The following AGBL4 variants were observed in gnomAD, a reference collection of about 807,000 sequenced individuals.
AGBL4 encodes cytosolic carboxypeptidase 6.
AGBL4 carries 58 observed loss-of-function variants against 66.4 expected under a neutral mutation model. That is an observed-to-expected ratio of 0.87 (90% CI 0.71 to 1.09). AGBL4 has a LOEUF of 1.09. Among genes scored for constraint, AGBL4 ranks in the 50% least tolerant of loss-of-function variants. The pLI is 0.00. For missense variants in AGBL4, 579 were observed against 631.0 expected, an observed-to-expected ratio of 0.92 and a Z score of 0.88; for synonymous variants, 234 against 222.9, an observed-to-expected ratio of 1.05 and a Z score of -0.44.
chr1:48,608,608 T>C (rs1288742686), intron 9 of AGBL4, among the ~76,000 whole-genome samples: 1 of 152,026 alleles, frequency 6.6e-6, no homozygotes, highest in Non-Finnish European at 1.5e-5. Context: ...GATGGATGGA[T>C]GGACAAGACA....
intron 5 of AGBL4, among the ~76,000 whole-genome samples, chr1:48,965,242 A>G (rs1200446120): frequency 6.6e-6 from 1 of 152,174 alleles, no homozygotes; most frequent in Non-Finnish European, 1.5e-5. Flanking sequence ...AACATTTAGG[A>G]AAAGTCAGAC....
chr1:49,551,907 C>G (rs373393378), intron 3 of AGBL4, among the ~76,000 whole-genome samples: 1 of 152,118 alleles, frequency 6.6e-6, no homozygotes, highest in Non-Finnish European at 1.5e-5. Context: ...CAGGAAAGGA[C>G]CATCAGGTGG....
intron 1 of AGBL4, among the ~76,000 whole-genome samples, chr1:49,877,111 C>T (rs1042020529): frequency 2.0e-5 from 3 of 151,500 alleles, no homozygotes; most frequent in African/African-American, 7.3e-5. Context: ...CAAACAGGGA[C>T]AATTTGACTT....
intron 3 of AGBL4, among the ~76,000 whole-genome samples, chr1:49,394,863 A>C (rs2148598749): frequency 6.6e-6 from 1 of 152,288 alleles, no homozygotes; most frequent in East Asian, 1.9e-4. Context: ...CTGGACCCAC[A>C]GCACAGAAAA....
intron 1 of AGBL4, among the ~76,000 whole-genome samples, chr1:49,871,260 C>T (rs1480298966): frequency 6.6e-6 from 1 of 151,766 alleles, no homozygotes; most frequent in Non-Finnish European, 1.5e-5. Context: ...AAAATTATAT[C>T]TTATGGTCAA....
At chr1:49,432,970 A>G (rs757165538) in intron 3 of AGBL4, among the ~76,000 whole-genome samples, 21 of 152,120 alleles carry the variant, frequency 1.4e-4, no homozygotes, top group Non-Finnish European at 2.6e-4. Flanking sequence ...CTAATGGCCA[A>G]TGATTTAATC....
At chr1:48,575,408 A>T (rs1230305167) in intron 11 of AGBL4, among the ~76,000 whole-genome samples, 2 of 152,188 alleles carry the variant, frequency 1.3e-5, no homozygotes, top group Non-Finnish European at 2.9e-5. Flanking sequence ...GTGCTGTGGC[A>T]TTTACTTACG....
At chr1:49,733,073 A>G (rs1196805190) in intron 2 of AGBL4, among the ~76,000 whole-genome samples, 1 of 152,218 alleles carries the variant, frequency 6.6e-6, no homozygotes, top group Non-Finnish European at 1.5e-5. Flanking sequence ...AAGAACCCCA[A>G]TAAGATTAAC....
At chr1:49,459,100 G>A (rs183663845) in intron 3 of AGBL4, among the ~76,000 whole-genome samples, 148 of 151,084 alleles carry the variant, frequency 9.8e-4, no homozygotes, top group African/African-American at 3.5e-3. Context: ...TTTGGTATTA[G>A]GGTGATACTG....
At chr1:49,162,540 T>A (rs1054298251) in intron 4 of AGBL4, among the ~76,000 whole-genome samples, 1 of 152,218 alleles carries the variant, frequency 6.6e-6, no homozygotes, top group Non-Finnish European at 1.5e-5. Context: ...CACAACTTAG[T>A]ATTTATATTT....
In AGBL4 at chr1:49,460,657, G is replaced by GT. The variant is rs548474843; in HGVS notation, c.283-214794dup. 1.9e-3 allele frequency among the ~76,000 whole-genome samples: 289 copies of GT among 151,602 alleles called. 1 individual carries two copies. Among genetic ancestry groups the GT allele is most frequent in the Middle Eastern group, 3.4e-3 (1 of 294 alleles). On this transcript the variant is annotated intron_variant, in intron 3 of 13. Coordinates refer to ENST00000371839, the MANE Select transcript of AGBL4 (RefSeq NM_032785.4). ...ATGCTATTTGTTGCCCAAATACCTT[G>GT]TTTTTTTCTTTTCATTGTGTTATTA...
At chr1:49,289,059 C>T (rs945482788) in intron 3 of AGBL4, among the ~76,000 whole-genome samples, 1 of 151,624 alleles carries the variant, frequency 6.6e-6, no homozygotes, top group South Asian at 2.1e-4. Flanking sequence ...GGAACCTGAC[C>T]ATCTGACCCA....
At chr1:49,710,521 GGCCCATATA>G (rs1250482900) in intron 2 of AGBL4, among the ~76,000 whole-genome samples, 2 of 151,876 alleles carry the variant, frequency 1.3e-5, no homozygotes, top group African/African-American at 4.8e-5. Context: ...AAACCACCAT[GGCCCATATA>G]TACCTATGTA....
intron 2 of AGBL4, among the ~76,000 whole-genome samples, chr1:49,830,021 G>A (rs1222035623): frequency 6.6e-6 from 1 of 152,134 alleles, no homozygotes; most frequent in African/African-American, 2.4e-5. Context: ...TATCATTAGT[G>A]GGCATTTGGG....
At chr1:48,534,340 C>A in intron 13 of AGBL4, 47 bp from the exon 14 acceptor site, 1 of 1,515,420 alleles carries the variant, frequency 6.6e-7, no homozygotes, top group Non-Finnish European at 8.8e-7. Context: ...CCCATATACA[C>A]ACTGTGATGA....
chr1:49,948,057 T>TAA (rs1557608133), intron 1 of AGBL4, among the ~76,000 whole-genome samples: 3 of 92,580 alleles, frequency 3.2e-5, no homozygotes, highest in African/African-American at 1.4e-4. Flanking sequence ...TATAAATATA[T>TAA]ATATGTAAAT....
intron 2 of AGBL4, among the ~76,000 whole-genome samples, chr1:49,776,531 G>C (rs767518993): frequency 6.6e-6 from 1 of 151,886 alleles, no homozygotes; most frequent in Admixed American, 6.6e-5. Context: ...GTTCCCTTAG[G>C]GTATTACCTG....
chr1:49,804,421 A>C (rs1288476083), intron 2 of AGBL4, among the ~76,000 whole-genome samples: 3 of 152,212 alleles, frequency 2.0e-5, no homozygotes, highest in African/African-American at 7.2e-5. Flanking sequence ...ACAGTATACA[A>C]TGGATGAGGT....
chr1:48,573,978 G>A (rs1298958124), intron 11 of AGBL4, among the ~76,000 whole-genome samples: 2 of 152,180 alleles, frequency 1.3e-5, no homozygotes, highest in South Asian at 2.1e-4. Context: ...ACTTGCCTAA[G>A]TTCACACAAC....
Sources: allele counts gnomAD v4.1 joint callset (sites outside exome capture counted in the v4.1 genomes callset), GRCh38; gene constraint gnomAD v4.1.1; transcripts MANE v1.5; gene names NCBI Gene and HGNC (gene_info 2026-07-23, HGNC 2026-07-21).